The following SEMA3E variants were observed in gnomAD, a reference collection of about 807,000 sequenced individuals.
The protein encoded by SEMA3E is semaphorin 3E.
In SEMA3E, 49 loss-of-function variants were observed where a neutral mutation model predicts 93.6. The observed-to-expected ratio is 0.52, with a 90% CI of 0.42 to 0.66. The LOEUF (loss-of-function observed/expected upper bound fraction) is 0.66, where lower values mean the gene tolerates loss of function less well. Among genes scored for constraint, SEMA3E ranks in the 30% least tolerant of loss-of-function variants. The pLI is 0.00. For missense variants in SEMA3E, 906 were observed against 964.8 expected, an observed-to-expected ratio of 0.94 and a Z score of 0.81; for synonymous variants, 363 against 330.7, an observed-to-expected ratio of 1.10 and a Z score of -1.06.
intron 14 of SEMA3E, among the ~76,000 whole-genome samples, chr7:83,389,656 T>C (rs865812427): frequency 2.6e-5 from 4 of 151,226 alleles, no homozygotes; most frequent in Non-Finnish European, 4.4e-5. Context: ...ATATTACATG[T>C]ATACATACAC....
intron 1 of SEMA3E, among the ~76,000 whole-genome samples, chr7:83,620,602 A>T (rs1793533488): frequency 6.6e-6 from 1 of 152,168 alleles, no homozygotes; most frequent in Non-Finnish European, 1.5e-5. Context: ...TCCTCAATAA[A>T]ATACTGGCAA....
chr7:83,371,823 C>T (rs924698549), intron 16 of SEMA3E: 1 of 152,634 alleles, frequency 6.6e-6, no homozygotes, highest in Non-Finnish European at 1.5e-5. Flanking sequence ...TTTGTTTTTT[C>T]ATTTCCTTCC....
chr7:83,569,696 G>A (rs1008370331), intron 1 of SEMA3E, among the ~76,000 whole-genome samples: 20 of 152,106 alleles, frequency 1.3e-4, no homozygotes, highest in Non-Finnish European at 1.0e-4. Flanking sequence ...TCTTCTAAAC[G>A]TATATCCACC....
intron 1 of SEMA3E, among the ~76,000 whole-genome samples, chr7:83,571,378 A>ATAAT (rs1792283042): frequency 6.6e-6 from 1 of 152,232 alleles, no homozygotes; most frequent in Non-Finnish European, 1.5e-5. Context: ...ATTCATAATG[A>ATAAT]TCAAGTAGGC....
chr7:83,642,704 G>A (rs1305651064), intron 1 of SEMA3E, among the ~76,000 whole-genome samples: 1 of 152,012 alleles, frequency 6.6e-6, no homozygotes, highest in Non-Finnish European at 1.5e-5. Flanking sequence ...AAGGTACAGA[G>A]TATTACAAAG....
intron 1 of SEMA3E, among the ~76,000 whole-genome samples, chr7:83,645,719 T>TTCTC (rs57724559): frequency 1.9e-4 from 28 of 146,558 alleles, no homozygotes; most frequent in South Asian, 8.7e-4. Flanking sequence ...CCTTGTCTCC[T>TTCTC]TCTCTCTCTC....
At chr7:83,578,387 CT>C (rs1295188409) in intron 1 of SEMA3E, among the ~76,000 whole-genome samples, 2 of 151,946 alleles carry the variant, frequency 1.3e-5, no homozygotes, top group Admixed American at 1.3e-4. Flanking sequence ...CGAAACCCAC[CT>C]CTAATAAAAA....
At chr7:83,645,277 G>A (rs1012211119) in intron 1 of SEMA3E, among the ~76,000 whole-genome samples, 1 of 151,932 alleles carries the variant, frequency 6.6e-6, no homozygotes, top group African/African-American at 2.4e-5. Flanking sequence ...CCTTGGGGAA[G>A]AATATTAAAA....
intron 16 of SEMA3E, among the ~76,000 whole-genome samples, chr7:83,375,645 A>G (rs1794810330): frequency 6.6e-6 from 1 of 152,076 alleles, no homozygotes; most frequent in South Asian, 2.1e-4. Flanking sequence ...ACATGTGTGC[A>G]TTGGGCTTTC....
intron 1 of SEMA3E, among the ~76,000 whole-genome samples, chr7:83,608,272 C>A (rs1338157846): frequency 1.3e-5 from 2 of 151,838 alleles, no homozygotes; most frequent in Non-Finnish European, 2.9e-5. Flanking sequence ...AGAAAGGGAG[C>A]AAGAGTGGAT....
Position 83,363,788 on chromosome 7 carries a change from T to A in SEMA3E, c.*3798A>T, listed in dbSNP as rs992819066. ...ATAAATGTTGCATTTTCTCTTGGAA[T>A]CCAAATATCTATACAATACTAAGTA... On this transcript the variant is annotated 3_prime_UTR_variant, in exon 17 of 17. Transcript: ENST00000643230. The A allele has an allele frequency of 2.0e-5, 3 of 150,998 alleles. No individual in the cohort carries two copies. Among genetic ancestry groups the A allele is most frequent in the Non-Finnish European group, 4.4e-5 (3 of 67,822 alleles). 9.4% of individuals were successfully genotyped at this position (150,998 alleles called of 1,614,324 possible). A position where few individuals can be genotyped will look rare whatever the true frequency, so the allele number is the denominator to read the frequency against.
At chr7:83,374,574 CTATGG>C (rs1794795605) in intron 16 of SEMA3E, among the ~76,000 whole-genome samples, 1 of 152,074 alleles carries the variant, frequency 6.6e-6, no homozygotes, top group Non-Finnish European at 1.5e-5. Context: ...TGTATGCATG[CTATGG>C]TATGTTAAGT....
At chr7:83,450,674 G>A (rs1789340737) in intron 4 of SEMA3E, among the ~76,000 whole-genome samples, 1 of 151,528 alleles carries the variant, frequency 6.6e-6, no homozygotes, top group South Asian at 2.1e-4. Context: ...TTAAATTGAT[G>A]TGTTCAATTT....
At chr7:83,568,792 C>CT (rs935600616) in intron 1 of SEMA3E, among the ~76,000 whole-genome samples, 10 of 151,970 alleles carry the variant, frequency 6.6e-5, no homozygotes, top group African/African-American at 2.2e-4. Flanking sequence ...AGCTGAAAAC[C>CT]TTTTTCTCTA....
intron 1 of SEMA3E, among the ~76,000 whole-genome samples, chr7:83,603,695 A>T (rs1793044639): frequency 1.3e-5 from 2 of 152,176 alleles, no homozygotes; most frequent in South Asian, 4.1e-4. Context: ...AGAAAGACCA[A>T]AAGCTTAAGA....
intron 1 of SEMA3E, among the ~76,000 whole-genome samples, chr7:83,627,463 T>A (rs1223525240): frequency 6.6e-6 from 1 of 151,866 alleles, no homozygotes. Flanking sequence ...ATATTTAGGA[T>A]AGTTAGCGAA....
At chr7:83,646,145 C>G (rs1436901661) in intron 1 of SEMA3E, among the ~76,000 whole-genome samples, 1 of 152,014 alleles carries the variant, frequency 6.6e-6, no homozygotes, top group African/African-American at 2.4e-5. Flanking sequence ...TACCTAGTGC[C>G]TCTTATATTG....
At chr7:83,475,750 G>C (rs1197633900) in intron 2 of SEMA3E, among the ~76,000 whole-genome samples, 1 of 152,170 alleles carries the variant, frequency 6.6e-6, no homozygotes, top group African/African-American at 2.4e-5. Flanking sequence ...TTGAGAGCAA[G>C]ATAAAATCTC....
At chr7:83,431,642 G>C (rs1464209039) in intron 4 of SEMA3E, among the ~76,000 whole-genome samples, 1 of 151,060 alleles carries the variant, frequency 6.6e-6, no homozygotes, top group Non-Finnish European at 1.5e-5. Context: ...GACCTCAAGT[G>C]ATCCACCCAC....
Sources: allele counts gnomAD v4.1 joint callset (sites outside exome capture counted in the v4.1 genomes callset), GRCh38; gene constraint gnomAD v4.1.1; transcripts MANE v1.5; gene names NCBI Gene and HGNC (gene_info 2026-07-23, HGNC 2026-07-21).